GLI3: variants seen among roughly 807,000 people sequenced by gnomAD.
GLI3 encodes the protein transcription activator GLI3.
In GLI3, 20 loss-of-function variants were observed where a neutral mutation model predicts 100.8. The ratio of observed to expected loss-of-function variants is 0.20; its 90% CI spans 0.14 to 0.29. GLI3 has a LOEUF of 0.29. Among genes scored for constraint, GLI3 ranks in the 10% least tolerant of loss-of-function variants. GLI3 has a pLI of 1.00. For synonymous variants in GLI3, 938 were observed against 860.5 expected (o/e 1.09, Z -1.58); for missense variants, 2,040 against 2,128.5 (o/e 0.96, Z 0.82).
chr7:42,210,714 T>C (rs1379907130), intron 2 of GLI3, among the ~76,000 whole-genome samples: 9 of 152,206 alleles, frequency 5.9e-5, no homozygotes, highest in African/African-American at 2.2e-4. Context: ...GACAAGAGAT[T>C]TGCAAATTAT....
intron 4 of GLI3, among the ~76,000 whole-genome samples, chr7:42,073,026 T>A (rs1018756578): frequency 1.3e-5 from 2 of 152,208 alleles, no homozygotes; most frequent in African/African-American, 4.8e-5. Flanking sequence ...TTCTTAATTT[T>A]CAAATTACTT....
chr7:42,083,978 C>T (rs1426380386), intron 3 of GLI3, among the ~76,000 whole-genome samples: 1 of 152,150 alleles, frequency 6.6e-6, no homozygotes. Flanking sequence ...ACATAAAATG[C>T]TAATTAACAA....
Position 42,148,271 on chromosome 7 carries a change from C to T in GLI3, c.322G>A (p.Val108Met). 6.2e-7 allele frequency: 1 copy of T among 1,612,934 alleles called. No individual in the cohort carries two copies. Among genetic ancestry groups the T allele is most frequent in the Non-Finnish European group, 8.5e-7 (1 of 1,179,442 alleles). ...AEPSVPYRGT[V>M]FAMDPRNGYM... ...CCATTCCTGGGGTCCATGGCAAACACCGTCCCGCGGTACGGCACAGAGGGC... is the reference window on the plus strand; with the variant it reads ...CCATTCCTGGGGTCCATGGCAAACATCGTCCCGCGGTACGGCACAGAGGGC... Residue 108 changes from valine (V) to methionine (M), a missense_variant, in exon 3 of 15, where the codon GTG becomes ATG. By Grantham distance (21) the Val-to-Met change is conservative. This residue lies in a region of GLI3 where 603 missense variants were observed against 690.9 expected (regional missense o/e 0.87). Coordinates refer to ENST00000395925, the MANE Select transcript of GLI3 (RefSeq NM_000168.6).
chr7:42,259,842 A>T (rs192742677), intron 1 of GLI3, among the ~76,000 whole-genome samples: 1 of 152,336 alleles, frequency 6.6e-6, no homozygotes, highest in Admixed American at 6.5e-5. Flanking sequence ...GCTTGGATCC[A>T]GCTAACAAAA....
At chr7:42,182,662 A>ATATATATATATATATACATGTGTGTG (rs1787627482) in intron 2 of GLI3, among the ~76,000 whole-genome samples, 2 of 76,714 alleles carry the variant, frequency 2.6e-5, no homozygotes, top group African/African-American at 1.3e-4. Context: ...ATATATATAT[A>ATATATATATATATATACATGTGTGTG]TATATATATA....
intron 2 of GLI3, among the ~76,000 whole-genome samples, chr7:42,163,353 G>A (rs568855140): frequency 1.4e-4 from 21 of 151,732 alleles, no homozygotes; most frequent in Admixed American, 1.0e-3. Context: ...CCCAACTGCA[G>A]TTGTCTCTAC....
chr7:42,063,185 T>C (rs1450700640), intron 4 of GLI3, among the ~76,000 whole-genome samples: 2 of 152,202 alleles, frequency 1.3e-5, no homozygotes, highest in Non-Finnish European at 2.9e-5. Flanking sequence ...TTTTTAACTT[T>C]ACATTCTTGC....
chr7:42,062,476 T>C (rs1297113737), intron 4 of GLI3, among the ~76,000 whole-genome samples: 1 of 152,166 alleles, frequency 6.6e-6, no homozygotes, highest in African/African-American at 2.4e-5. Flanking sequence ...TCTGGCTTTA[T>C]GCTAACTGGA....
chr7:42,142,268 G>C (rs551630676), intron 3 of GLI3, among the ~76,000 whole-genome samples: 1 of 152,134 alleles, frequency 6.6e-6, no homozygotes, highest in Non-Finnish European at 1.5e-5. Context: ...TACAAGCAGG[G>C]CAACAAGGGC....
At chr7:42,052,372 C>T (rs1446003035) in intron 4 of GLI3, among the ~76,000 whole-genome samples, 1 of 152,188 alleles carries the variant, frequency 6.6e-6, no homozygotes, top group Non-Finnish European at 1.5e-5. Context: ...TTGGAGGCAC[C>T]TCCTTGGATT....
intron 12 of GLI3, among the ~76,000 whole-genome samples, chr7:41,974,975 G>T (rs898824585): frequency 6.6e-6 from 1 of 152,190 alleles, no homozygotes; most frequent in Non-Finnish European, 1.5e-5. Context: ...TGGGCCCTGT[G>T]AGAACTGACA....
At chr7:42,222,988 C>T (rs1407630183) in intron 2 of GLI3, 142 bp downstream of exon 2, 7 of 908,844 alleles carry the variant, frequency 7.7e-6, no homozygotes, top group Non-Finnish European at 8.8e-6. Flanking sequence ...CCCCCGCCGT[C>T]CCCCCGCCCC....
intron 2 of GLI3, among the ~76,000 whole-genome samples, chr7:42,167,600 T>C (rs1283904482): frequency 6.6e-6 from 1 of 152,224 alleles, no homozygotes; most frequent in Non-Finnish European, 1.5e-5. Context: ...TCCGTATACA[T>C]ACAGAGAAAG....
intron 13 of GLI3, among the ~76,000 whole-genome samples, chr7:41,968,199 A>G (rs1787241791): frequency 6.6e-6 from 1 of 152,002 alleles, no homozygotes; most frequent in South Asian, 2.1e-4. Context: ...CCAATCGCCA[A>G]CTCTGCAGAC....
chr7:41,972,529 A>G lies in GLI3; in HGVS notation c.1911T>C (p.His637=), dbSNP rs886038265. The G allele has an allele frequency of 1.2e-6, 2 of 1,612,804 alleles. No individual in the cohort carries two copies. Among genetic ancestry groups the G allele is most frequent in the Admixed American group, 1.7e-5 (1 of 59,978 alleles). Residue 637 remains histidine (H), a synonymous_variant, in exon 13 of 15, where the codon CAT becomes CAC. Coordinates refer to ENST00000395925, the MANE Select transcript of GLI3 (RefSeq NM_000168.6). This position sits in a 1 kb window ranked among gnomAD's most constrained non-coding sequence, Gnocchi z 4.4. ...TGTCCCCTCGCTGCTTCTTGGTGACATGAGCCTCTGGGCCATGCACTGTCT... is the reference window on the plus strand; with the variant it reads ...TGTCCCCTCGCTGCTTCTTGGTGACGTGAGCCTCTGGGCCATGCACTGTCT... ...HVKTVHGPEA[H]VTKKQRGDIH...
intron 3 of GLI3, among the ~76,000 whole-genome samples, chr7:42,129,026 A>T (rs554466430): frequency 3.3e-5 from 5 of 152,358 alleles, no homozygotes; most frequent in African/African-American, 1.2e-4. Context: ...CTGGGCAAAC[A>T]TATTTCTCAC....
At chr7:42,247,683 T>G (rs113765768) in intron 1 of GLI3, among the ~76,000 whole-genome samples, 2,545 of 152,334 alleles carry the variant, frequency 0.017, 27 homozygotes, top group South Asian at 0.035. Context: ...CCACTGACCC[T>G]GCCATGGGCA....
intron 14 of GLI3, 119 bp downstream of exon 14, chr7:41,967,477 T>C (rs1787216165): frequency 2.7e-6 from 2 of 754,446 alleles, no homozygotes; most frequent in Non-Finnish European, 2.3e-6. Flanking sequence ...CATTAACGGA[T>C]GGTTACAGCG....
intron 7 of GLI3, among the ~76,000 whole-genome samples, chr7:42,029,390 C>T (rs925915815): frequency 6.6e-6 from 1 of 152,166 alleles, no homozygotes; most frequent in Admixed American, 6.5e-5. Context: ...AGAGGACGGG[C>T]GATGACTGGG....
Sources: allele counts gnomAD v4.1 joint callset (sites outside exome capture counted in the v4.1 genomes callset), GRCh38; gene constraint gnomAD v4.1.1; regional missense constraint gnomAD v4.1.1; non-coding constraint Gnocchi (gnomAD v3.1); transcripts MANE v1.5; gene names NCBI Gene and HGNC (gene_info 2026-07-23, HGNC 2026-07-21).